The following DNAH12 variants were observed in gnomAD, a reference collection of about 807,000 sequenced individuals.
DNAH12 encodes the protein dynein axonemal heavy chain 12.
Under a neutral mutation model 371.5 loss-of-function variants are expected in DNAH12, and 285 were observed. The ratio of observed to expected loss-of-function variants is 0.77; its 90% CI spans 0.70 to 0.85. The LOEUF (loss-of-function observed/expected upper bound fraction) is 0.85, where lower values mean the gene tolerates loss of function less well. DNAH12 is among the 40% of genes least tolerant of loss of function. The pLI is 0.00. For missense variants in DNAH12, 3,611 were observed against 3,689.4 expected, an observed-to-expected ratio of 0.98 and a Z score of 0.55; for synonymous variants, 1,200 against 1,213.0, an observed-to-expected ratio of 0.99 and a Z score of 0.22.
intron 64 of DNAH12, among the ~76,000 whole-genome samples, chr3:57,322,703 G>A (rs2061836080): frequency 6.6e-6 from 1 of 152,246 alleles, no homozygotes; most frequent in Non-Finnish European, 1.5e-5. Context: ...GCTGAGGCGG[G>A]TGGATCACCT....
chr3:57,355,369 A>C (rs2153324167), intron 59 of DNAH12, among the ~76,000 whole-genome samples: 1 of 152,236 alleles, frequency 6.6e-6, no homozygotes, highest in South Asian at 2.1e-4. Flanking sequence ...ATGAAGAAAA[A>C]CCCTAAAATG....
chr3:57,394,242 T>C lies in DNAH12; in HGVS notation c.7039A>G (p.Ile2347Val), dbSNP rs1001160678. The change falls in exon 44 of 74, where the codon ATC (isoleucine) becomes GTC (valine). Residue 2347 changes from isoleucine (I) to valine (V), a missense_variant. Physicochemically the swap from Ile to Val is conservative, Grantham distance 29. This residue lies in a region of DNAH12 where 2,266 missense variants were observed against 2,236.9 expected (regional missense o/e 1.01). Transcript: ENST00000495027. ...QIKEEAFLED[I>V]DSVLNTGEVP... is the part of the protein sequence containing the mutation. ...TCTCCTGTATTGAGCACACTGTCGA[T>C]ATCCTCTAGGAAAGCTTCCTCTTTA... The C allele has an allele frequency of 2.0e-5, 3 of 152,248 alleles. No homozygotes were observed. The highest frequency in any genetic ancestry group is 4.4e-5 in the Non-Finnish European group (3 of 68,052). 9.4% of individuals were successfully genotyped at this position (152,248 alleles called of 1,614,324 possible). A position where few individuals can be genotyped will look rare whatever the true frequency, so the allele number is the denominator to read the frequency against.
rs1045820276 is a variant in DNAH12 at position 57,415,054 on chromosome 3, G to C, written c.5853+372C>G. On this transcript the variant is annotated intron_variant, in intron 38 of 73. Transcript: ENST00000495027. ...AAATGCCCCTAATGACCATCCAGGA[G>C]GGTCTTGAGAGAACAATTCAAAGTT... Among the ~76,000 whole-genome samples the C allele has an allele frequency of 3.3e-5, 5 of 152,238 alleles. No homozygotes were observed. The East Asian group carries it at 9.7e-4, about 29-fold the overall frequency.
intron 16 of DNAH12, 67 bp from the exon 17 acceptor site, chr3:57,469,046 T>G (rs2066287491): frequency 1.3e-5 from 18 of 1,429,838 alleles, no homozygotes; most frequent in Non-Finnish European, 1.7e-5. Context: ...TAGAGATCCT[T>G]TAGGCTAGAC....
intron 18 of DNAH12, 148 bp downstream of exon 18, chr3:57,462,542 G>A (rs541430956): frequency 1.1e-4 from 100 of 890,940 alleles, no homozygotes; most frequent in South Asian, 6.4e-4. Context: ...GTGAGCTACC[G>A]CACCCAGCCG....
chr3:57,444,627 T>C (rs1453754861), intron 29 of DNAH12, 70 bp downstream of exon 29: 2 of 1,527,320 alleles, frequency 1.3e-6, no homozygotes, highest in South Asian at 1.3e-5. Flanking sequence ...CATTAATAAA[T>C]CTTGGTAAAC....
chr3:57,410,761 A>C (rs782244543), intron 39 of DNAH12, among the ~76,000 whole-genome samples: 2 of 151,976 alleles, frequency 1.3e-5, no homozygotes, highest in African/African-American at 2.4e-5. Context: ...GGTTGTAGTG[A>C]GCCAAGATCA....
intron 35 of DNAH12, among the ~76,000 whole-genome samples, chr3:57,423,008 T>G (rs1350705823): frequency 2.6e-5 from 4 of 152,036 alleles, no homozygotes; most frequent in African/African-American, 9.7e-5. Context: ...GTGCATAAAA[T>G]ACTTCTAGAA....
At chr3:57,298,166 C>T (rs2061272137) in intron 70 of DNAH12, among the ~76,000 whole-genome samples, 1 of 152,176 alleles carries the variant, frequency 6.6e-6, no homozygotes, top group Admixed American at 6.5e-5. Flanking sequence ...AGTCCAGGCA[C>T]CTCTGGTGGT....
At chr3:57,338,884 A>G (rs1553655042) in intron 60 of DNAH12, among the ~76,000 whole-genome samples, 1 of 152,248 alleles carries the variant, frequency 6.6e-6, no homozygotes, top group African/African-American at 2.4e-5. Context: ...CCGAAGAGAC[A>G]ACGACCATTG....
At chr3:57,499,644 AAAAATATATATATATATAT>A (rs1317084235) in intron 11 of DNAH12, among the ~76,000 whole-genome samples, 3 of 40,770 alleles carry the variant, frequency 7.4e-5, no homozygotes, top group African/African-American at 2.9e-4. Context: ...AAAAAAAAAA[AAAAATATATATATATATAT>A]ATATATATAT....
intron 11 of DNAH12, among the ~76,000 whole-genome samples, chr3:57,499,643 A>AT (rs1307559756): frequency 1.7e-3 from 42 of 24,592 alleles, no homozygotes; most frequent in Non-Finnish European, 3.1e-3. Flanking sequence ...AAAAAAAAAA[A>AT]AAAAATATAT....
intron 32 of DNAH12, among the ~76,000 whole-genome samples, chr3:57,430,906 T>C (rs1356004110): frequency 6.6e-6 from 1 of 152,234 alleles, no homozygotes; most frequent in African/African-American, 2.4e-5. Flanking sequence ...CATATGTGGC[T>C]ATTTATATTT....
intron 69 of DNAH12, among the ~76,000 whole-genome samples, chr3:57,306,209 C>T (rs1478361647): frequency 2.6e-5 from 4 of 152,224 alleles, no homozygotes; most frequent in East Asian, 3.9e-4. Context: ...TGCCAAGCTT[C>T]GGGTAACTCT....
chr3:57,349,009 A>G (rs2062609672), intron 60 of DNAH12, among the ~76,000 whole-genome samples: 1 of 143,724 alleles, frequency 7.0e-6, no homozygotes, highest in South Asian at 2.3e-4. Flanking sequence ...CCTCCTGCAC[A>G]GCAAAAGAAA....
chr3:57,456,207 T>G (rs2065898554), intron 22 of DNAH12, among the ~76,000 whole-genome samples: 1 of 152,212 alleles, frequency 6.6e-6, no homozygotes. Context: ...CTCTTTCCTA[T>G]GTGTTTTAGT....
chr3:57,445,036 A>C (rs1345658111), intron 28 of DNAH12, 138 bp downstream of exon 28: 8 of 1,200,636 alleles, frequency 6.7e-6, no homozygotes, highest in Non-Finnish European at 9.1e-6. Flanking sequence ...AACATAACCC[A>C]AAAAACCATC....
chr3:57,318,127 C>T (rs2061726701), intron 65 of DNAH12, among the ~76,000 whole-genome samples: 1 of 152,038 alleles, frequency 6.6e-6, no homozygotes, highest in African/African-American at 2.4e-5. Flanking sequence ...TGGCTTTTCA[C>T]TTTGTTGATC....
chr3:57,346,459 T>C (rs1331421099), intron 60 of DNAH12, among the ~76,000 whole-genome samples: 1 of 152,004 alleles, frequency 6.6e-6, no homozygotes, highest in Non-Finnish European at 1.5e-5. Context: ...ATAATTGATC[T>C]GCTAAGAGAA....
Sources: gnomAD v4.1 joint callset for allele counts (sites outside exome capture counted in the v4.1 genomes callset) on GRCh38, gnomAD v4.1.1 for gene constraint, gnomAD v4.1.1 regional missense constraint, MANE v1.5 for transcripts, NCBI Gene and HGNC (gene_info 2026-07-23, HGNC 2026-07-21) for gene names.